Variants in MNT observed in about 807,000 individuals in gnomAD.
MNT encodes the protein MAX network transcriptional repressor.
In MNT, 13 loss-of-function variants were observed where a neutral mutation model predicts 40.7. That is an observed-to-expected ratio of 0.32 (90% confidence interval 0.21 to 0.51). The LOEUF (loss-of-function observed/expected upper bound fraction) is 0.51, where lower values mean the gene tolerates loss of function less well. MNT is among the 20% of genes least tolerant of loss of function. The pLI is 0.98. For missense variants in MNT, 757 were observed against 792.0 expected, an observed-to-expected ratio of 0.96 and a Z score of 0.53; for synonymous variants, 426 against 354.8, an observed-to-expected ratio of 1.20 and a Z score of -2.26.
Position 2,386,873 on chromosome 17 carries a change from C to T in MNT, c.*28G>A. ...GGGGACAGGTCCCCCTCCCTGTCCC[C>T]ACTGGGGGCCTCTGAGTGGCCTCGT... On this transcript the variant is annotated 3_prime_UTR_variant, in exon 6 of 6. Transcript: ENST00000174618. 6.9e-7 allele frequency: 1 copy of T among 1,451,166 alleles called. No individual in the cohort carries two copies. Among genetic ancestry groups the T allele is most frequent in the Non-Finnish European group, 9.1e-7 (1 of 1,099,304 alleles). 89.9% of individuals were successfully genotyped at this position (1,451,166 alleles called of 1,614,324 possible). A position where few individuals can be genotyped will look rare whatever the true frequency, so the allele number is the denominator to read the frequency against.
At chr17:2,400,381 A>G (rs2066606626) in intron 1 of MNT, 2 of 387,386 alleles carry the variant, frequency 5.2e-6, no homozygotes, top group African/African-American at 4.3e-5. Context: ...CCCACCACAG[A>G]AGGGGCACAG....
At chr17:2,387,757 C>G in intron 5 of MNT, 100 bp downstream of exon 5, 1 of 1,549,150 alleles carries the variant, frequency 6.5e-7, no homozygotes, top group African/African-American at 1.4e-5. Context: ...GGGGCCAGGG[C>G]CATCTTTTCT....
intron 4 of MNT, chr17:2,388,352 C>A: frequency 2.7e-6 from 1 of 367,190 alleles, no homozygotes; most frequent in Non-Finnish European, 5.0e-6. Flanking sequence ...CCTCTCGCCC[C>A]ATCCCTCCTC....
chr17:2,395,898 A>AC (rs528239782), intron 1 of MNT, among the ~76,000 whole-genome samples: 1 of 151,742 alleles, frequency 6.6e-6, no homozygotes, highest in African/African-American at 2.4e-5. Context: ...TTCACACCAG[A>AC]GGGGGGGGTG....
chr17:2,395,708 T>G (rs2066573189), intron 1 of MNT, among the ~76,000 whole-genome samples: 3 of 152,014 alleles, frequency 2.0e-5, no homozygotes, highest in Admixed American at 2.0e-4. Flanking sequence ...TCACGGGGGC[T>G]GACAGTCCGG....
chr17:2,393,401 C>T (rs1395918252), intron 4 of MNT, among the ~76,000 whole-genome samples: 1 of 152,220 alleles, frequency 6.6e-6, no homozygotes, highest in Non-Finnish European at 1.5e-5. Flanking sequence ...ACCCCCTCTT[C>T]CTAGCCCAGG....
chr17:2,398,939 A>AG (rs1037725559), intron 1 of MNT, among the ~76,000 whole-genome samples: 12 of 151,982 alleles, frequency 7.9e-5, no homozygotes, highest in African/African-American at 2.9e-4. Flanking sequence ...TGACCTTGAG[A>AG]GGCCGGTCGC....
chr17:2,397,808 C>T (rs1299575583), intron 1 of MNT, among the ~76,000 whole-genome samples: 1 of 152,210 alleles, frequency 6.6e-6, no homozygotes, highest in African/African-American at 2.4e-5. Context: ...GTGGCTGGTG[C>T]TCCCTCAGGA....
chr17:2,394,935 G>A lies in MNT; in HGVS notation c.593C>T (p.Thr198Ile), dbSNP rs780280823. ...TTCTTCAGCTGGTGCCAACTTCAGG[G>A]TCCCCAGCGTGGGTGGGGGCGGCTG... ...PQQPPPPTLG[T>I]LKLAPAEEVK... Residue 198 changes from threonine to isoleucine, a missense_variant, in exon 2 of 6, where the codon ACC (threonine) becomes ATC (isoleucine). By Grantham distance (89) the Thr-to-Ile change is moderately conservative. This residue lies in a region of MNT where 335 missense variants were observed against 291.4 expected (regional missense o/e 1.15). Transcript: ENST00000174618. 8 of 1,607,580 alleles carry A rather than the reference G, an allele frequency of 5.0e-6. No individual in the cohort carries two copies. The highest frequency in any genetic ancestry group is 1.7e-5 in the Admixed American group (1 of 59,126).
chr17:2,387,505 G>T lies in MNT; in HGVS notation c.1145C>A (p.Pro382Gln). ...GGCCACGGAGTGGGGGTGAGGGTGT[G>T]GGTGTGGAGGCAGAGGCGCAGGGGT... ...STTPAPLPPH[P>Q]HPHPHSVALP... Residue 382 changes from proline (P) to glutamine (Q), a missense_variant, in exon 6 of 6, where the codon CCA becomes CAA. Pro to Gln is a moderately conservative substitution (Grantham distance 76). Coordinates refer to ENST00000174618, the MANE Select transcript of MNT (RefSeq NM_020310.3). 2 of 1,613,176 alleles carry T rather than the reference G, an allele frequency of 1.2e-6. No individual in the cohort carries two copies. Among genetic ancestry groups the T allele is most frequent in the South Asian group, 2.2e-5 (2 of 91,016 alleles).
rs2151661725 is a variant in MNT at position 2,385,104 on chromosome 17, CTG to C, written c.*1795_*1796del. On this transcript the variant is annotated 3_prime_UTR_variant, in exon 6 of 6. Coordinates refer to ENST00000174618, the MANE Select transcript of MNT (RefSeq NM_020310.3). ...CTGGGGTGGGTACAGGGCTCAGCCT[CTG>C]AGGATGGTGACCTGGTTTGTAACTG... The C allele has an allele frequency of 6.6e-6, 1 of 152,364 alleles. No individual in the cohort carries two copies. Among genetic ancestry groups the C allele is most frequent in the African/African-American group, 2.4e-5 (1 of 41,552 alleles). The allele number at this position is 152,364 out of a possible 1,614,324, so 9.4% of individuals were successfully genotyped here. A position where few individuals can be genotyped will look rare whatever the true frequency, so the allele number is the denominator to read the frequency against.
chr17:2,400,586 G>T, intron 1 of MNT, 54 bp downstream of exon 1: 1 of 1,523,116 alleles, frequency 6.6e-7, no homozygotes. Context: ...TCGGGGACCG[G>T]GGTCACTCGC....
chr17:2,395,286 G>A lies in MNT; in HGVS notation c.242C>T (p.Ala81Val). 1 of 1,539,564 alleles carries A rather than the reference G, an allele frequency of 6.5e-7. No individual in the cohort carries two copies. Residue 81 changes from alanine (A) to valine (V), a missense_variant, in exon 2 of 6, where the codon GCC becomes GTC. This residue lies in a region of MNT where 335 missense variants were observed against 291.4 expected (regional missense o/e 1.15). Transcript: ENST00000174618. ...GATGACAGTCAGTGGGGCAGGGGTGGCAAGTGGTGGTGGGGGTGCCGGCGG... is the reference window on the plus strand; with the variant it reads ...GATGACAGTCAGTGGGGCAGGGGTGACAAGTGGTGGTGGGGGTGCCGGCGG... ...APPPAPPPPLATPAPLTVIPI... is the reference protein window; with the variant it reads ...APPPAPPPPLVTPAPLTVIPI...
rs779650100 is a variant in MNT at position 2,387,542 on chromosome 17, G to T, written c.1108C>A (p.Pro370Thr). Residue 370 changes from proline (P) to threonine (T), a missense_variant, in exon 6 of 6, where the codon CCC becomes ACC. Transcript: ENST00000174618. Reference sequence around the variant, plus strand: ...AGAGGCGCAGGGGTGGTGCTGGGGGGTGGCAGGGTGGACTTCAGCAGCTCC... The same window carrying T: ...AGAGGCGCAGGGGTGGTGCTGGGGGTTGGCAGGGTGGACTTCAGCAGCTCC... ...QPELLKSTLP[P>T]PSTTPAPLPP... 2.5e-6 allele frequency: 4 copies of T among 1,613,828 alleles called. No homozygotes were observed. Among genetic ancestry groups the T allele is most frequent in the East Asian group, 4.5e-5 (2 of 44,866 alleles).
intron 3 of MNT, 34 bp downstream of exon 3, chr17:2,394,271 A>G (rs368094814): frequency 4.3e-5 from 67 of 1,551,518 alleles, no homozygotes; most frequent in African/African-American, 4.8e-5. Flanking sequence ...GCGCGCACGC[A>G]CGCACGCACA....
At position 2,394,989 on chromosome 17, in the gene MNT, G is replaced by C. The variant is rs1430848497; in HGVS notation, c.539C>G (p.Pro180Arg). The C allele has an allele frequency of 1.2e-6, 2 of 1,606,482 alleles. No homozygotes were observed. Among genetic ancestry groups the C allele is most frequent in the Admixed American group, 3.4e-5 (2 of 58,982 alleles). ...PTPVLTIAPH[P>R]GVQPQLAPQQ... ...GGGGGCCAGCTGAGGCTGGACTCCA[G>C]GGTGTGGCGCTATGGTCAGGACAGG... The change falls in exon 2 of 6, where the codon CCT (proline) becomes CGT (arginine). Residue 180 changes from proline to arginine, a missense_variant. Pro to Arg is a moderately radical substitution (Grantham distance 103). Transcript: ENST00000174618.
At chr17:2,390,672 T>A (rs558042256) in intron 4 of MNT, 1 of 152,342 alleles carries the variant, frequency 6.6e-6, no homozygotes, top group East Asian at 1.9e-4. Context: ...GGAGCAGTTT[T>A]GCTGTTTTGT....
In MNT at chr17:2,386,588, T is replaced by A; in HGVS notation, c.*313A>T. On this transcript the variant is annotated 3_prime_UTR_variant, in exon 6 of 6. Coordinates refer to ENST00000174618, the MANE Select transcript of MNT (RefSeq NM_020310.3). ...GGGGGAGAAGTCAGGGAGCGTGACG[T>A]CCACATCGCACTGATTTCCGAGGGT... 2.9e-6 allele frequency: 1 copy of A among 341,278 alleles called. No individual in the cohort carries two copies. The highest frequency in any genetic ancestry group is 5.3e-6 in the Non-Finnish European group (1 of 187,106). 21.1% of individuals were successfully genotyped at this position (341,278 alleles called of 1,614,324 possible). A position where few individuals can be genotyped will look rare whatever the true frequency, so the allele number is the denominator to read the frequency against.
intron 1 of MNT, chr17:2,400,319 G>C (rs1235588046): frequency 3.5e-6 from 1 of 288,584 alleles, no homozygotes; most frequent in Non-Finnish European, 6.6e-6. Context: ...CCACCCCCCG[G>C]CTCACACATC....
Sources: allele counts gnomAD v4.1 joint callset (sites outside exome capture counted in the v4.1 genomes callset), GRCh38; gene constraint gnomAD v4.1.1; regional missense constraint gnomAD v4.1.1; transcripts MANE v1.5; gene names NCBI Gene and HGNC (gene_info 2026-07-23, HGNC 2026-07-21).